Variants in SCYL2 observed in about 807,000 individuals in gnomAD.
SCYL2 encodes the protein SCY1 like pseudokinase 2.
In SCYL2, 36 loss-of-function variants were observed where a neutral mutation model predicts 100.4. That is an observed-to-expected ratio of 0.36 (90% CI 0.27 to 0.47). The LOEUF is 0.47. SCYL2 is among the 20% of genes least tolerant of loss of function. SCYL2 has a pLI of 1.00. For missense variants in SCYL2, 902 were observed against 1,083.9 expected, an observed-to-expected ratio of 0.83 and a Z score of 2.36; for synonymous variants, 330 against 359.2, an observed-to-expected ratio of 0.92 and a Z score of 0.92.
chr12:100,285,996 G>A (rs553911171), intron 2 of SCYL2, among the ~76,000 whole-genome samples: 4 of 151,946 alleles, frequency 2.6e-5, no homozygotes, highest in South Asian at 4.2e-4. Context: ...ACATACATAC[G>A]TACATGTATG....
intron 10 of SCYL2, among the ~76,000 whole-genome samples, chr12:100,322,372 CAAAAAAAA>C (rs34959294): frequency 3.2e-5 from 2 of 61,830 alleles, no homozygotes; most frequent in African/African-American, 5.7e-5. Context: ...GACTCCGTCT[CAAAAAAAA>C]AAAAAAAAAA....
chr12:100,329,237 G>T lies in SCYL2; in HGVS notation c.1679G>T (p.Gly560Val). Residue 560 changes from glycine (G) to valine (V), a missense_variant, in exon 13 of 18, where the codon GGA (glycine) becomes GTA (valine). Coordinates refer to ENST00000360820, the MANE Select transcript of SCYL2 (RefSeq NM_017988.6). Reference protein sequence around the residue: ...YKCTFTHKKLGITKEQLAGKV... With the variant: ...YKCTFTHKKLVITKEQLAGKV... ...TGTACTTTTACTCATAAGAAGTTGG[G>T]AATCACCAAAGAGCAGCTGGCCGGA... 6.2e-7 allele frequency: 1 copy of T among 1,607,234 alleles called. No homozygotes were observed. The highest frequency in any genetic ancestry group is 8.5e-7 in the Non-Finnish European group (1 of 1,174,052).
chr12:100,312,246 C>T (rs947274873), intron 5 of SCYL2, among the ~76,000 whole-genome samples, 186 bp from the exon 6 acceptor site: 2 of 152,042 alleles, frequency 1.3e-5, no homozygotes, highest in South Asian at 2.1e-4. Context: ...TCAGTTGTAA[C>T]GGTTCTTATT....
At chr12:100,298,541 A>G (rs906920984) in intron 4 of SCYL2, among the ~76,000 whole-genome samples, 1 of 152,136 alleles carries the variant, frequency 6.6e-6, no homozygotes, top group South Asian at 2.1e-4. Flanking sequence ...ATCAAGAGGT[A>G]TTGTTAGCCT....
intron 9 of SCYL2, among the ~76,000 whole-genome samples, chr12:100,316,520 T>G (rs1324214907): frequency 6.6e-6 from 1 of 152,256 alleles, no homozygotes; most frequent in Non-Finnish European, 1.5e-5. Context: ...ATATATCAAC[T>G]ATCTAATTTA....
At chr12:100,310,143 C>G (rs1448743398) in intron 4 of SCYL2, among the ~76,000 whole-genome samples, 3 of 152,068 alleles carry the variant, frequency 2.0e-5, no homozygotes, top group African/African-American at 7.2e-5. Context: ...GGTCTAGAGG[C>G]ACGCGCCACC....
At chr12:100,324,116 T>TA (rs2096359223) in intron 11 of SCYL2, among the ~76,000 whole-genome samples, 3 of 152,114 alleles carry the variant, frequency 2.0e-5, no homozygotes, top group Non-Finnish European at 4.4e-5. Context: ...ACAAGTAGGA[T>TA]AAATAGTTGT....
intron 10 of SCYL2, among the ~76,000 whole-genome samples, chr12:100,320,416 G>A (rs895719060): frequency 5.3e-5 from 8 of 151,978 alleles, no homozygotes; most frequent in Non-Finnish European, 1.0e-4. Context: ...GTGTGGTGGC[G>A]GGTACCTGTA....
At chr12:100,317,376 T>C (rs1240863925) in intron 9 of SCYL2, among the ~76,000 whole-genome samples, 2 of 152,224 alleles carry the variant, frequency 1.3e-5, no homozygotes, top group Non-Finnish European at 2.9e-5. Context: ...TGTGTGCCAC[T>C]GCACCTGGCG....
Position 100,338,663 on chromosome 12 carries a change from C to G in SCYL2, c.2281C>G (p.Pro761Ala). The change falls in exon 18 of 18, where the codon CCA becomes GCA. Residue 761 changes from proline to alanine, a missense_variant. By Grantham distance (27) the Pro-to-Ala change is conservative. Transcript: ENST00000360820. ...SMGIGMMFST[P>A]TDNTKRNLTN... Reference sequence around the variant, plus strand: ...GGGCATTGGTATGATGTTTTCTACACCAACTGATAATACAAAGAGAAATTT... The same window carrying G: ...GGGCATTGGTATGATGTTTTCTACAGCAACTGATAATACAAAGAGAAATTT... The G allele has an allele frequency of 3.1e-6, 5 of 1,614,010 alleles. No homozygotes were observed. The highest frequency in any genetic ancestry group is 4.2e-6 in the Non-Finnish European group (5 of 1,179,966).
At chr12:100,304,196 T>C (rs933791142) in intron 4 of SCYL2, among the ~76,000 whole-genome samples, 7 of 152,148 alleles carry the variant, frequency 4.6e-5, no homozygotes, top group African/African-American at 1.7e-4. Flanking sequence ...GCTGGGCTCC[T>C]TGGGGGTGGG....
Position 100,338,581 on chromosome 12 carries a change from T to G in SCYL2, c.2199T>G (p.Leu733=). ...ATAATATGTCATCCTTGACCAGCCT[T>G]TCTGTTAGTACCCCTAAATCTTCTG... ...LMDNMSSLTS[L]SVSTPKSSAS... The change falls in exon 18 of 18, where the codon CTT becomes CTG. Residue 733 remains leucine (L), a synonymous_variant. Coordinates refer to ENST00000360820, the MANE Select transcript of SCYL2 (RefSeq NM_017988.6). 6.2e-7 allele frequency: 1 copy of G among 1,613,666 alleles called. No homozygotes were observed. Among genetic ancestry groups the G allele is most frequent in the Non-Finnish European group, 8.5e-7 (1 of 1,179,682 alleles).
At chr12:100,281,183 C>T (rs1269755857) in intron 1 of SCYL2, among the ~76,000 whole-genome samples, 1 of 151,900 alleles carries the variant, frequency 6.6e-6, no homozygotes, top group African/African-American at 2.4e-5. Context: ...CACATGCTGC[C>T]ATTCCTGGCT....
At chr12:100,305,305 T>C (rs1466354192) in intron 4 of SCYL2, among the ~76,000 whole-genome samples, 4 of 152,146 alleles carry the variant, frequency 2.6e-5, no homozygotes, top group African/African-American at 9.7e-5. Flanking sequence ...ACAAACAGTC[T>C]CTCAGACCAC....
chr12:100,312,404 A>AC, intron 5 of SCYL2, 28 bp from the exon 6 acceptor site: 1 of 1,453,126 alleles, frequency 6.9e-7, no homozygotes, highest in Non-Finnish European at 9.7e-7. Context: ...ATTTGAAGTA[A>AC]CCCATGTAAT....
At position 100,287,618 on chromosome 12, in the gene SCYL2, A is replaced by C. The variant is rs369396601; in HGVS notation, c.178-3885A>C. ...TTTTTAGTAAGTGTCTTTCTTTGCCAGTGTTTTTAAAGAATCTGCAATGAA... is the reference window on the plus strand; with the variant it reads ...TTTTTAGTAAGTGTCTTTCTTTGCCCGTGTTTTTAAAGAATCTGCAATGAA... On this transcript the variant is annotated intron_variant, in intron 2 of 17. Transcript: ENST00000360820. Among the ~76,000 whole-genome samples the C allele has an allele frequency of 5.9e-5, 9 of 152,282 alleles. No individual in the cohort carries two copies. In the South Asian group the frequency reaches 1.0e-3, roughly 18 times the overall value.
At chr12:100,305,434 T>C (rs554527243) in intron 4 of SCYL2, among the ~76,000 whole-genome samples, 1 of 152,222 alleles carries the variant, frequency 6.6e-6, no homozygotes, top group South Asian at 2.1e-4. Context: ...AAGGCAGAAA[T>C]AAATAAGTTC....
intron 3 of SCYL2, among the ~76,000 whole-genome samples, chr12:100,294,006 C>T (rs1161522484): frequency 4.0e-5 from 6 of 151,708 alleles, no homozygotes; most frequent in East Asian, 2.0e-4. Flanking sequence ...CACAAAGCCG[C>T]GATTGTCATC....
At chr12:100,274,558 T>A (rs987375368) in intron 1 of SCYL2, among the ~76,000 whole-genome samples, 1 of 152,226 alleles carries the variant, frequency 6.6e-6, no homozygotes, top group Non-Finnish European at 1.5e-5. Context: ...CTTATCAAAC[T>A]TCCTTGTGCT....
Sources: allele counts gnomAD v4.1 joint callset (sites outside exome capture counted in the v4.1 genomes callset), GRCh38; gene constraint gnomAD v4.1.1; transcripts MANE v1.5; gene names NCBI Gene and HGNC (gene_info 2026-07-23, HGNC 2026-07-21).